The following THRB variants were observed in gnomAD, a reference collection of about 807,000 sequenced individuals.
THRB encodes thyroid hormone receptor beta.
Under a neutral mutation model 47.8 loss-of-function variants are expected in THRB, and 12 were observed. That is an observed-to-expected ratio of 0.25 (90% CI 0.16 to 0.41). THRB has a LOEUF of 0.41. Ranked by LOEUF, THRB falls within the 10% of genes least tolerant of loss-of-function variation. THRB has a pLI of 1.00. For missense variants in THRB, 348 were observed against 589.2 expected (o/e 0.59, Z 4.24); for synonymous variants, 218 against 212.2 (o/e 1.03, Z -0.24).
intron 3 of THRB, among the ~76,000 whole-genome samples, chr3:24,296,046 C>A (rs1217527144): frequency 1.3e-5 from 2 of 151,940 alleles, no homozygotes; most frequent in Admixed American, 1.3e-4. Flanking sequence ...ATTTGCTCCT[C>A]CTACCCCAAA....
At chr3:24,412,009 C>A (rs996219185) in intron 1 of THRB, among the ~76,000 whole-genome samples, 3 of 151,560 alleles carry the variant, frequency 2.0e-5, no homozygotes, top group Non-Finnish European at 4.4e-5. Context: ...TATTATTTAG[C>A]AATGAATTTG....
chr3:24,488,139 G>C (rs1316504657), intron 1 of THRB, among the ~76,000 whole-genome samples: 1 of 152,158 alleles, frequency 6.6e-6, no homozygotes, highest in African/African-American at 2.4e-5. Context: ...CCCTAATAAA[G>C]AAGATATGCC....
chr3:24,359,783 A>C (rs1477712525), intron 1 of THRB, among the ~76,000 whole-genome samples: 1 of 152,166 alleles, frequency 6.6e-6, no homozygotes, highest in Non-Finnish European at 1.5e-5. Flanking sequence ...GGCCCTCAGC[A>C]TGACTTTGGC....
chr3:24,287,039 A>C lies in THRB; in HGVS notation c.-43+10187T>G, dbSNP rs1028566417. 4.6e-5 allele frequency among the ~76,000 whole-genome samples: 7 copies of C among 152,316 alleles called. 1 individual carries two copies. The highest frequency in any genetic ancestry group is 1.4e-4 in the African/African-American group (6 of 41,574). Reference sequence around the variant, plus strand: ...ATTTAACATTCACAGATAGGTACTCAAGCAACCTTTTGAAGGCCCCAAAGC... The same window carrying C: ...ATTTAACATTCACAGATAGGTACTCCAGCAACCTTTTGAAGGCCCCAAAGC... On this transcript the variant is annotated intron_variant, in intron 3 of 10. Coordinates refer to ENST00000646209, the MANE Select transcript of THRB (RefSeq NM_001354712.2).
chr3:24,351,787 C>G (rs1174297545), intron 1 of THRB, among the ~76,000 whole-genome samples: 1 of 152,160 alleles, frequency 6.6e-6, no homozygotes, highest in African/African-American at 2.4e-5. Context: ...TGTCCCACCT[C>G]TGTAACAATG....
At chr3:24,351,112 T>C (rs1003157028) in intron 1 of THRB, among the ~76,000 whole-genome samples, 1 of 152,112 alleles carries the variant, frequency 6.6e-6, no homozygotes, top group Non-Finnish European at 1.5e-5. Context: ...TTCTTGTGTA[T>C]AGTTGTAGAT....
chr3:24,311,255 G>T (rs1477870845), intron 2 of THRB, among the ~76,000 whole-genome samples: 1 of 152,108 alleles, frequency 6.6e-6, no homozygotes, highest in Admixed American at 6.6e-5. Context: ...TCCCAAGCAG[G>T]ACAGAAAAAT....
chr3:24,424,679 T>C (rs2069587406), intron 1 of THRB, among the ~76,000 whole-genome samples: 1 of 151,992 alleles, frequency 6.6e-6, no homozygotes, highest in African/African-American at 2.4e-5. Context: ...AATTCTTCTC[T>C]CTCTCCTTGT....
intron 3 of THRB, among the ~76,000 whole-genome samples, chr3:24,239,067 G>C (rs1468502645): frequency 6.6e-6 from 1 of 151,722 alleles, no homozygotes; most frequent in Non-Finnish European, 1.5e-5. Context: ...TCTGCCTCCT[G>C]AGTAGTTGGA....
At chr3:24,233,989 C>T (rs1422819884) in intron 3 of THRB, among the ~76,000 whole-genome samples, 2 of 152,168 alleles carry the variant, frequency 1.3e-5, no homozygotes, top group African/African-American at 4.8e-5. Context: ...GCATGTTAAG[C>T]CTCTCTTGAG....
chr3:24,267,244 T>G lies in THRB; in HGVS notation c.-43+29982A>C, dbSNP rs1245967414. ...TCAGTGAAGAGGAAAATGACAGAAT[T>G]TGTAGCAGTTACATAAGTGGGTAGA... is the stretch of plus-strand genomic sequence containing the variant. On this transcript the variant is annotated intron_variant, in intron 3 of 10. Transcript: ENST00000646209. Among the ~76,000 whole-genome samples the G allele has an allele frequency of 4.6e-5, 7 of 151,886 alleles. No individual in the cohort carries two copies. The East Asian group carries it at 1.4e-3, about 29-fold the overall frequency.
intron 3 of THRB, among the ~76,000 whole-genome samples, chr3:24,245,501 G>C (rs1349081621): frequency 1.3e-5 from 2 of 152,178 alleles, no homozygotes; most frequent in Admixed American, 6.5e-5. Flanking sequence ...CCATTAGTGT[G>C]TGTGAAAGGG....
chr3:24,456,783 A>T (rs548332915), intron 1 of THRB, among the ~76,000 whole-genome samples: 1 of 152,006 alleles, frequency 6.6e-6, no homozygotes, highest in Admixed American at 6.6e-5. Flanking sequence ...CTTATTATAT[A>T]AGATAAACTT....
intron 1 of THRB, among the ~76,000 whole-genome samples, chr3:24,382,046 A>G (rs2065752588): frequency 6.6e-6 from 1 of 151,494 alleles, no homozygotes; most frequent in Non-Finnish European, 1.5e-5. Context: ...TACCTTCTAG[A>G]AAAAAAAACC....
At chr3:24,130,802 C>T (rs60484529) in intron 9 of THRB, among the ~76,000 whole-genome samples, 2,558 of 152,102 alleles carry the variant, frequency 0.017, 77 homozygotes, top group African/African-American at 0.058. Flanking sequence ...GTCAGTGATG[C>T]GGGCAGGATA....
chr3:24,454,556 T>A (rs569086054), intron 1 of THRB, among the ~76,000 whole-genome samples: 1 of 152,312 alleles, frequency 6.6e-6, no homozygotes, highest in East Asian at 1.9e-4. Flanking sequence ...TGGAATGTAG[T>A]TTTTACTACA....
chr3:24,171,687 A>C (rs1017071515), intron 5 of THRB, among the ~76,000 whole-genome samples: 16 of 152,086 alleles, frequency 1.1e-4, no homozygotes, highest in African/African-American at 3.9e-4. Flanking sequence ...CTGTGGAGGA[A>C]AGGGAGTAAA....
chr3:24,396,593 A>C (rs1012739349), intron 1 of THRB, among the ~76,000 whole-genome samples: 2 of 152,064 alleles, frequency 1.3e-5, no homozygotes, highest in Non-Finnish European at 2.9e-5. Flanking sequence ...CTTTCCTGGA[A>C]AGAAACTATG....
chr3:24,428,212 C>T (rs2069968551), intron 1 of THRB, among the ~76,000 whole-genome samples: 1 of 152,002 alleles, frequency 6.6e-6, no homozygotes, highest in Non-Finnish European at 1.5e-5. Flanking sequence ...GCATTGTCCT[C>T]CTGCTGTCAA....
Sources: allele counts gnomAD v4.1 joint callset (sites outside exome capture counted in the v4.1 genomes callset), GRCh38; gene constraint gnomAD v4.1.1; transcripts MANE v1.5; gene names NCBI Gene and HGNC (gene_info 2026-07-23, HGNC 2026-07-21).